The following NAV3 variants were observed in gnomAD, a reference collection of about 807,000 sequenced individuals.
NAV3 encodes pore membrane and/or filament interacting like protein 1.
A neutral mutation model predicts 244.7 loss-of-function variants in NAV3; 87 were observed. The observed-to-expected ratio is 0.36, with a 90% CI of 0.30 to 0.42. The LOEUF (loss-of-function observed/expected upper bound fraction) is 0.42. Among genes scored for constraint, NAV3 ranks in the 20% least tolerant of loss-of-function variants. The pLI is 1.00. For missense variants in NAV3, 2,663 were observed against 2,893.3 expected (o/e 0.92, Z 1.83); for synonymous variants, 1,126 against 1,042.2 (o/e 1.08, Z -1.55).
Position 77,831,238 on chromosome 12 carries a change from T to G in NAV3, c.-224T>G. The G allele has an allele frequency of 5.9e-6, 2 of 340,538 alleles. No homozygotes were observed. Among genetic ancestry groups the G allele is most frequent in the South Asian group, 4.8e-5 (1 of 20,770 alleles). The allele number at this position is 340,538 out of a possible 1,614,324, so 21.1% of individuals were successfully genotyped here. Reference sequence around the variant, plus strand: ...GAGAGAAAGAGAGAGAGAGAGAGAATGAGAATGAATATGAATCCCAGCCAG... The same window carrying G: ...GAGAGAAAGAGAGAGAGAGAGAGAAGGAGAATGAATATGAATCCCAGCCAG... On this transcript the variant is annotated 5_prime_UTR_variant, in exon 1 of 40. It removes an upstream start codon present in the reference 5' UTR. Coordinates refer to ENST00000397909, the MANE Select transcript of NAV3 (RefSeq NM_001024383.2).
chr12:77,599,100 G>C (rs1332713801), intron 2 of NAV3, among the ~76,000 whole-genome samples: 1 of 151,914 alleles, frequency 6.6e-6, no homozygotes, highest in African/African-American at 2.4e-5. Flanking sequence ...GATACCTCAT[G>C]TGAGTGGAAT....
chr12:77,790,756 A>C (rs981958313), intron 2 of NAV3, among the ~76,000 whole-genome samples: 1 of 152,162 alleles, frequency 6.6e-6, no homozygotes, highest in Non-Finnish European at 1.5e-5. Context: ...GCACTTCAGC[A>C]GGCCCAGTGA....
chr12:77,924,961 G>A (rs972244575), intron 1 of NAV3, among the ~76,000 whole-genome samples: 3 of 151,668 alleles, frequency 2.0e-5, no homozygotes, highest in Admixed American at 1.3e-4. Flanking sequence ...TAGCATGAAA[G>A]ACAAGACTCA....
At chr12:77,621,867 A>G (rs1288748941) in intron 2 of NAV3, among the ~76,000 whole-genome samples, 1 of 152,100 alleles carries the variant, frequency 6.6e-6, no homozygotes, top group Non-Finnish European at 1.5e-5. Flanking sequence ...TACAATGACA[A>G]TCATATAATT....
chr12:77,836,189 G>C (rs1354449591), intron 1 of NAV3, among the ~76,000 whole-genome samples: 2 of 152,196 alleles, frequency 1.3e-5, no homozygotes, highest in Non-Finnish European at 2.9e-5. Context: ...TTAAGAAAGA[G>C]TGTTCTATTT....
In NAV3 at chr12:77,642,381, A is replaced by G. The variant is rs1405191218; in HGVS notation, c.72+70115A>G. On this transcript the variant is annotated intron_variant, in intron 2 of 8. Coordinates refer to the NAV3 transcript ENST00000550042. ...TTTGTAGACTCCTTCAATCAGCCAC[A>G]TGGGCTTTCCTGTTATTATTTTAAA... 2.6e-5 allele frequency among the ~76,000 whole-genome samples: 4 copies of G among 152,088 alleles called. No individual in the cohort carries two copies. In the South Asian group the frequency reaches 8.3e-4, roughly 32 times the overall value.
At chr12:77,748,112 A>G (rs1268351645) in intron 2 of NAV3, among the ~76,000 whole-genome samples, 1 of 152,260 alleles carries the variant, frequency 6.6e-6, no homozygotes, top group Non-Finnish European at 1.5e-5. Flanking sequence ...GCATGTGAAT[A>G]TAACAATGGT....
Position 78,211,458 on chromosome 12 carries a change from T to C in NAV3, c.*941T>C, listed in dbSNP as rs1960875946. ...CCAGTTAACATAGTAGCCTCATCTCTATATATCTTTCTCTTTTTTTTTTTT... is the reference window on the plus strand; with the variant it reads ...CCAGTTAACATAGTAGCCTCATCTCCATATATCTTTCTCTTTTTTTTTTTT... On this transcript the variant is annotated 3_prime_UTR_variant, in exon 40 of 40. Coordinates refer to ENST00000397909, the MANE Select transcript of NAV3 (RefSeq NM_001024383.2). 6.9e-6 allele frequency: 1 copy of C among 144,496 alleles called. No homozygotes were observed. Among genetic ancestry groups the C allele is most frequent in the Admixed American group, 7.4e-5 (1 of 13,526 alleles). 9.0% of individuals were successfully genotyped at this position (144,496 alleles called of 1,614,324 possible). A position where few individuals can be genotyped will look rare whatever the true frequency, so the allele number is the denominator to read the frequency against.
intron 1 of NAV3, among the ~76,000 whole-genome samples, chr12:77,902,259 C>T (rs1885388848): frequency 6.6e-6 from 1 of 152,156 alleles, no homozygotes; most frequent in South Asian, 2.1e-4. Context: ...GTGAATTGTT[C>T]AGTTCCATCA....
intron 2 of NAV3, among the ~76,000 whole-genome samples, chr12:77,651,812 T>C (rs1287633903): frequency 6.6e-6 from 1 of 152,190 alleles, no homozygotes; most frequent in Admixed American, 6.5e-5. Flanking sequence ...GATCCAGGCT[T>C]TAGAAAAGAA....
chr12:77,597,428 T>G (rs1054469164), intron 2 of NAV3, among the ~76,000 whole-genome samples: 1 of 152,040 alleles, frequency 6.6e-6, no homozygotes, highest in African/African-American at 2.4e-5. Context: ...CTCTTTATCT[T>G]CTAGGGCATA....
rs183572570 is a variant in NAV3, at chr12:77,992,415, G to A, written c.672-2388G>A. On this transcript the variant is annotated intron_variant, in intron 5 of 39. Transcript: ENST00000397909. Reference sequence around the variant, plus strand: ...CCTCTGTAATAATTGAAAGGGAAATGGAAAGAGTCAGCTGTTGAGATTTTC... The same window carrying A: ...CCTCTGTAATAATTGAAAGGGAAATAGAAAGAGTCAGCTGTTGAGATTTTC... Among the ~76,000 whole-genome samples, 5 of 152,266 alleles carry A rather than the reference G, an allele frequency of 3.3e-5. No homozygotes were observed. The East Asian group carries it at 9.7e-4, about 29-fold the overall frequency.
chr12:78,050,120 T>C lies in NAV3; in HGVS notation c.2132+19T>C, dbSNP rs1566062430. ...GCCACAGGTTTTTTTCAATTTTGCA[T>C]ATATTTGAGCCAATAAAGAAAAAAT... On this transcript the variant is annotated intron_variant, in intron 10 of 39. Transcript: ENST00000397909. The C allele has an allele frequency of 2.0e-6, 3 of 1,535,262 alleles. No individual in the cohort carries two copies. The highest frequency in any genetic ancestry group is 2.7e-6 in the Non-Finnish European group (3 of 1,118,330).
intron 2 of NAV3, among the ~76,000 whole-genome samples, chr12:77,674,548 C>T (rs367964049): frequency 3.2e-4 from 49 of 152,116 alleles, no homozygotes; most frequent in Non-Finnish European, 1.3e-4. Context: ...CACCACCACA[C>T]GTGGCTCATT....
At chr12:78,144,537 A>C (rs1400537107) in intron 20 of NAV3, among the ~76,000 whole-genome samples, 1 of 152,140 alleles carries the variant, frequency 6.6e-6, no homozygotes, top group Non-Finnish European at 1.5e-5. Context: ...CAGAGTACGA[A>C]AGAAGGCAAA....
At chr12:78,060,619 G>A (rs1282132488) in intron 12 of NAV3, among the ~76,000 whole-genome samples, 2 of 152,110 alleles carry the variant, frequency 1.3e-5, no homozygotes, top group African/African-American at 4.8e-5. Flanking sequence ...TATTAATTAG[G>A]CAATATAGTC....
At chr12:78,182,568 T>A (rs1161719477) in intron 30 of NAV3, among the ~76,000 whole-genome samples, 1 of 151,792 alleles carries the variant, frequency 6.6e-6, no homozygotes, top group Admixed American at 6.6e-5. Flanking sequence ...TAAAAAAAAC[T>A]TAGTATCTAG....
chr12:77,737,774 A>G (rs1877396568), intron 2 of NAV3, among the ~76,000 whole-genome samples: 1 of 152,194 alleles, frequency 6.6e-6, no homozygotes, highest in Admixed American at 6.5e-5. Context: ...ACCTTCCACC[A>G]TGTAAGAATT....
intron 2 of NAV3, among the ~76,000 whole-genome samples, chr12:77,752,837 C>T (rs557070851): frequency 3.3e-5 from 5 of 152,286 alleles, no homozygotes; most frequent in East Asian, 1.9e-4. Flanking sequence ...AATACAACTA[C>T]GTGACAATAA....
Sources: gnomAD v4.1 joint callset for allele counts (sites outside exome capture counted in the v4.1 genomes callset) on GRCh38, gnomAD v4.1.1 for gene constraint, MANE v1.5 for transcripts, NCBI Gene and HGNC (gene_info 2026-07-23, HGNC 2026-07-21) for gene names.